GRK5: variants seen among roughly 807,000 people sequenced by gnomAD.
GRK5 encodes the protein g protein-coupled receptor kinase GRK5.
GRK5 carries 40 observed loss-of-function variants against 78.4 expected under a neutral mutation model. The observed-to-expected ratio is 0.51, with a 90% CI of 0.40 to 0.66. The LOEUF (loss-of-function observed/expected upper bound fraction) is 0.66, where lower values mean the gene tolerates loss of function less well. GRK5 is among the 30% of genes least tolerant of loss of function. The pLI is 0.00. For missense variants in GRK5, 598 were observed against 759.9 expected (o/e 0.79, Z 2.50); for synonymous variants, 289 against 296.8 (o/e 0.97, Z 0.27).
At chr10:119,340,068 G>A (rs942362283) in intron 2 of GRK5, among the ~76,000 whole-genome samples, 1 of 152,068 alleles carries the variant, frequency 6.6e-6, no homozygotes, top group African/African-American at 2.4e-5. Context: ...TTTCTTTCCT[G>A]TTTGACGATT....
At chr10:119,385,677 G>T (rs1415998389) in intron 3 of GRK5, among the ~76,000 whole-genome samples, 1 of 152,142 alleles carries the variant, frequency 6.6e-6, no homozygotes, top group East Asian at 1.9e-4. Context: ...TCAAAGTTTT[G>T]ACCTGAACAA....
At position 119,398,806 on chromosome 10, in the gene GRK5, G is replaced by A. The variant is rs146495786; in HGVS notation, c.339+2034G>A. Reference sequence around the variant, plus strand: ...TCTGGGTGATTCTAGAGCCCTGAGTGTTTCCCCTGGGTGTAGTCTCCTCAC... The same window carrying A: ...TCTGGGTGATTCTAGAGCCCTGAGTATTTCCCCTGGGTGTAGTCTCCTCAC... On this transcript the variant is annotated intron_variant, in intron 4 of 15. Coordinates refer to ENST00000392870, the MANE Select transcript of GRK5 (RefSeq NM_005308.3). Among the ~76,000 whole-genome samples, 17 of 152,368 alleles carry A rather than the reference G, an allele frequency of 1.1e-4. No individual in the cohort carries two copies. In the East Asian group the frequency reaches 3.3e-3, roughly 29 times the overall value.
At chr10:119,355,734 T>G (rs569197160) in intron 2 of GRK5, among the ~76,000 whole-genome samples, 4 of 152,290 alleles carry the variant, frequency 2.6e-5, no homozygotes, top group African/African-American at 9.6e-5. Context: ...GAGCTGAGAT[T>G]GAGCCACTGC....
intron 2 of GRK5, among the ~76,000 whole-genome samples, chr10:119,368,488 C>T (rs755393566): frequency 6.6e-5 from 10 of 152,194 alleles, no homozygotes; most frequent in Non-Finnish European, 1.2e-4. Flanking sequence ...GTCTCCATTC[C>T]CACCAGGCTC....
At chr10:119,307,801 A>G in intron 1 of GRK5, among the ~76,000 whole-genome samples, 1 of 152,058 alleles carries the variant, frequency 6.6e-6, no homozygotes, top group East Asian at 1.9e-4. Flanking sequence ...TACACACTGG[A>G]TTTTGAATTC....
intron 1 of GRK5, among the ~76,000 whole-genome samples, chr10:119,310,773 G>T (rs1179704826): frequency 6.6e-6 from 1 of 152,210 alleles, no homozygotes; most frequent in African/African-American, 2.4e-5. Flanking sequence ...CTCACACAGT[G>T]CGAGGGCTTC....
chr10:119,378,666 CGGG>C lies in GRK5; in HGVS notation c.149-2148_149-2146del, dbSNP rs1851664435. On this transcript the variant is annotated intron_variant, in intron 2 of 15. Coordinates refer to ENST00000392870, the MANE Select transcript of GRK5 (RefSeq NM_005308.3). This position sits in a 1 kb window ranked among gnomAD's most constrained non-coding sequence, Gnocchi z 4.5. Reference sequence around the variant, plus strand: ...CTCTCCGCTCATCTCCGCTTGTGTGCGGGCTGCGCCTCCGTGGGCTCTCGCTGC... The same window carrying C: ...CTCTCCGCTCATCTCCGCTTGTGTGCCTGCGCCTCCGTGGGCTCTCGCTGC... Among the ~76,000 whole-genome samples, 2 of 137,828 alleles carry C rather than the reference CGGG, an allele frequency of 1.5e-5. No homozygotes were observed. Among genetic ancestry groups the C allele is most frequent in the African/African-American group, 2.8e-5 (1 of 35,684 alleles). The allele number at this position is 137,828 out of a possible 152,430, so 90.4% of individuals were successfully genotyped here. A position where few individuals can be genotyped will look rare whatever the true frequency, so the allele number is the denominator to read the frequency against.
intron 1 of GRK5, among the ~76,000 whole-genome samples, chr10:119,318,152 G>A (rs1490121935): frequency 6.6e-6 from 1 of 152,004 alleles, no homozygotes; most frequent in Non-Finnish European, 1.5e-5. Context: ...TTCTCTGATC[G>A]ATTGCACATT....
intron 13 of GRK5, among the ~76,000 whole-genome samples, chr10:119,449,564 G>C (rs1853232558): frequency 6.6e-6 from 1 of 152,188 alleles, no homozygotes; most frequent in South Asian, 2.1e-4. Flanking sequence ...ACTTGGGAAG[G>C]CTGAGGCAGT....
At chr10:119,322,136 T>C (rs1850595766) in intron 1 of GRK5, among the ~76,000 whole-genome samples, 1 of 152,176 alleles carries the variant, frequency 6.6e-6, no homozygotes, top group South Asian at 2.1e-4. Context: ...TTATTTTTAA[T>C]AGAGACGGAG....
At chr10:119,377,286 T>C (rs548783947) in intron 2 of GRK5, among the ~76,000 whole-genome samples, 1 of 152,216 alleles carries the variant, frequency 6.6e-6, no homozygotes, top group African/African-American at 2.4e-5. Context: ...TCATTGACTT[T>C]CCAGAAGCAA....
intron 3 of GRK5, among the ~76,000 whole-genome samples, chr10:119,394,354 GTGTGT>G (rs1851974755): frequency 9.1e-6 from 1 of 109,600 alleles, no homozygotes. Flanking sequence ...GGGCATGTGG[GTGTGT>G]GGGTGTGTGT....
intron 13 of GRK5, among the ~76,000 whole-genome samples, chr10:119,451,447 T>C (rs913654644): frequency 6.6e-6 from 1 of 151,992 alleles, no homozygotes; most frequent in African/African-American, 2.4e-5. Context: ...GCACCCTGGG[T>C]CCCCACACCT....
chr10:119,448,700 C>T (rs548189557), intron 13 of GRK5, among the ~76,000 whole-genome samples: 7 of 152,216 alleles, frequency 4.6e-5, no homozygotes, highest in South Asian at 4.1e-4. Flanking sequence ...CTACTGTTGA[C>T]GCCAGGTTCT....
chr10:119,295,589 A>T (rs2168222), intron 1 of GRK5, among the ~76,000 whole-genome samples: 3,102 of 152,238 alleles, frequency 0.02, 44 homozygotes, highest in East Asian at 0.066. Context: ...AAAGAAACTG[A>T]GATATATATA....
At chr10:119,440,091 G>T (rs983489172) in intron 10 of GRK5, among the ~76,000 whole-genome samples, 3 of 152,110 alleles carry the variant, frequency 2.0e-5, no homozygotes, top group African/African-American at 7.2e-5. Context: ...CAGAGATGCT[G>T]GGCAAATACT....
intron 4 of GRK5, among the ~76,000 whole-genome samples, chr10:119,403,110 G>A (rs755573765): frequency 1.3e-5 from 2 of 152,004 alleles, no homozygotes; most frequent in African/African-American, 2.4e-5. Flanking sequence ...CTGTCTCCAG[G>A]CCTATTTCAG....
At chr10:119,432,309 G>A (rs1852836334) in intron 8 of GRK5, among the ~76,000 whole-genome samples, 1 of 151,962 alleles carries the variant, frequency 6.6e-6, no homozygotes, top group Non-Finnish European at 1.5e-5. Flanking sequence ...AAAGCTGGGT[G>A]CAGTGGTACA....
chr10:119,243,714 A>G (rs936831305), intron 1 of GRK5, among the ~76,000 whole-genome samples: 2 of 152,132 alleles, frequency 1.3e-5, no homozygotes, highest in African/African-American at 4.8e-5. Context: ...CCAGCAGGAA[A>G]GTCACGGAAA....
Sources: gnomAD v4.1 joint callset for allele counts (sites outside exome capture counted in the v4.1 genomes callset) on GRCh38, gnomAD v4.1.1 for gene constraint, Gnocchi (gnomAD v3.1) non-coding constraint, MANE v1.5 for transcripts, NCBI Gene and HGNC (gene_info 2026-07-23, HGNC 2026-07-21) for gene names.